Variants in FAT3 observed in about 807,000 individuals in gnomAD.
FAT3 encodes the protein protocadherin Fat 3.
In FAT3, 95 loss-of-function variants were observed where a neutral mutation model predicts 310.2. That is an observed-to-expected ratio of 0.31 (90% CI 0.26 to 0.36). The LOEUF (loss-of-function observed/expected upper bound fraction) is 0.36, where lower values mean the gene tolerates loss of function less well. Ranked by LOEUF, FAT3 falls within the 10% of genes least tolerant of loss-of-function variation. FAT3 has a pLI of 1.00. For missense variants in FAT3, 5,408 were observed against 5,715.6 expected, an observed-to-expected ratio of 0.95 and a Z score of 1.74; for synonymous variants, 2,314 against 2,192.9, an observed-to-expected ratio of 1.06 and a Z score of -1.54.
chr11:92,551,416 G>GTTT (rs10661690), intron 3 of FAT3, among the ~76,000 whole-genome samples: 34 of 63,438 alleles, frequency 5.4e-4, no homozygotes, highest in Admixed American at 9.7e-4. Context: ...TTTTTGTTTT[G>GTTT]TGTGTGTGTG....
In FAT3 at chr11:92,266,631, G is replaced by A. The variant is rs184927680; in HGVS notation, c.-18+41457G>A. On this transcript the variant is annotated intron_variant, in intron 1 of 27. Transcript: ENST00000525166. Reference sequence around the variant, plus strand: ...CTAACAGCCTCAGCCTTCTCAGTCTGGAGTGTCTGTGGCTGAAAAAGCCTT... The same window carrying A: ...CTAACAGCCTCAGCCTTCTCAGTCTAGAGTGTCTGTGGCTGAAAAAGCCTT... Among the ~76,000 whole-genome samples, 17 of 152,268 alleles carry A rather than the reference G, an allele frequency of 1.1e-4. No individual in the cohort carries two copies. The East Asian group carries it at 2.3e-3, about 21-fold the overall frequency.
intron 3 of FAT3, among the ~76,000 whole-genome samples, chr11:92,571,545 C>G (rs1792342): frequency 0.078 from 11,855 of 152,260 alleles, 1,342 homozygotes; most frequent in African/African-American, 0.25. Context: ...CACCTCACTT[C>G]TCTTTGCAGT....
At chr11:92,262,118 A>G (rs549493122) in intron 1 of FAT3, among the ~76,000 whole-genome samples, 1 of 152,160 alleles carries the variant, frequency 6.6e-6, no homozygotes, top group East Asian at 1.9e-4. Flanking sequence ...ACACAGAGGG[A>G]TCTGAAAAGA....
chr11:92,300,402 A>G (rs1946967317), intron 1 of FAT3, among the ~76,000 whole-genome samples: 1 of 152,074 alleles, frequency 6.6e-6, no homozygotes, highest in African/African-American at 2.4e-5. Flanking sequence ...GAGAACTTCA[A>G]AGGCTGGGGC....
chr11:92,777,067 A>G (rs1357580108), intron 7 of FAT3, among the ~76,000 whole-genome samples: 4 of 152,224 alleles, frequency 2.6e-5, no homozygotes, highest in African/African-American at 9.7e-5. Context: ...TTTGGAAACC[A>G]TGAAAGCATG....
intron 2 of FAT3, among the ~76,000 whole-genome samples, chr11:92,453,481 AT>A (rs964249224): frequency 0.02 from 2,968 of 146,272 alleles, 88 homozygotes; most frequent in African/African-American, 0.064. Context: ...CCATTTTCCA[AT>A]TTTTTTTTTT....
chr11:92,880,566 T>C (rs958714941), intron 22 of FAT3, among the ~76,000 whole-genome samples, 165 bp from the exon 23 acceptor site: 7 of 151,978 alleles, frequency 4.6e-5, no homozygotes, highest in African/African-American at 1.7e-4. Flanking sequence ...CTTGGCATTT[T>C]TGTGGCAAGA....
At chr11:92,601,768 C>T (rs1025470771) in intron 3 of FAT3, among the ~76,000 whole-genome samples, 1 of 152,052 alleles carries the variant, frequency 6.6e-6, no homozygotes, top group East Asian at 1.9e-4. Flanking sequence ...TCTACTTCTC[C>T]GTTTGTCCTT....
rs115459352 is a variant in FAT3, at chr11:92,327,706, G to A, written c.-17-24390G>A. 4.5e-3 allele frequency among the ~76,000 whole-genome samples: 685 copies of A among 152,206 alleles called. 9 individuals are homozygous for A. Among genetic ancestry groups the A allele is most frequent in the African/African-American group, 0.016 (648 of 41,528 alleles). ...AACCCTTTCAGTAGCTGAAAGCTCC[G>A]GGTCCCATCCACTGGGTCTGCAAGT... On this transcript the variant is annotated intron_variant, in intron 1 of 27. Coordinates refer to ENST00000525166, the MANE Select transcript of FAT3 (RefSeq NM_001367949.2).
chr11:92,571,174 A>G (rs1035371647), intron 3 of FAT3, among the ~76,000 whole-genome samples: 5 of 152,186 alleles, frequency 3.3e-5, no homozygotes, highest in Admixed American at 3.3e-4. Context: ...TGAAGAATGA[A>G]TTAGGAGGAA....
chr11:92,281,202 C>T (rs897843971), intron 1 of FAT3, among the ~76,000 whole-genome samples: 2 of 151,968 alleles, frequency 1.3e-5, no homozygotes, highest in Non-Finnish European at 2.9e-5. Context: ...TATGTCTTTC[C>T]ATTTGTACAT....
At chr11:92,668,774 T>C (rs982884830) in intron 3 of FAT3, among the ~76,000 whole-genome samples, 1 of 152,252 alleles carries the variant, frequency 6.6e-6, no homozygotes, top group Non-Finnish European at 1.5e-5. Context: ...TTCGATCTCT[T>C]ATATGTAAAA....
rs569152658 is a variant in FAT3, at chr11:92,728,712, C to T, written c.3669+31267C>T. 2.6e-5 allele frequency among the ~76,000 whole-genome samples: 4 copies of T among 152,232 alleles called. No homozygotes were observed. In the South Asian group the frequency reaches 8.3e-4, roughly 32 times the overall value. ...TGAAGGTGTCAGCAGGGCCAGGCAC[C>T]CTCTGGAGGTTCTGGGGAAGAATCC... On this transcript the variant is annotated intron_variant, in intron 4 of 27. Coordinates refer to ENST00000525166, the MANE Select transcript of FAT3 (RefSeq NM_001367949.2).
At chr11:92,637,110 G>T (rs1052659231) in intron 3 of FAT3, among the ~76,000 whole-genome samples, 1 of 152,130 alleles carries the variant, frequency 6.6e-6, no homozygotes, top group Non-Finnish European at 1.5e-5. Flanking sequence ...AGTCAGTCAG[G>T]ATCAAAATGA....
At chr11:92,771,872 G>A (rs145557393) in intron 6 of FAT3, among the ~76,000 whole-genome samples, 16 of 152,080 alleles carry the variant, frequency 1.1e-4, no homozygotes, top group Admixed American at 3.9e-4. Flanking sequence ...CACTAAGCAC[G>A]TGCGATGATT....
Position 92,361,676 on chromosome 11 carries a change from T to A in FAT3, c.3292+6272T>A, listed in dbSNP as rs189949040. Among the ~76,000 whole-genome samples the A allele has an allele frequency of 3.9e-5, 6 of 152,346 alleles. 1 individual carries two copies. The East Asian group carries it at 1.2e-3, about 29-fold the overall frequency. On this transcript the variant is annotated intron_variant, in intron 2 of 27. Transcript: ENST00000525166. ...CCCAGTGTAAGGTTGTAAGGTTTTT[T>A]TTTTTATAGCAACTTAAACTGACTA...
At position 92,494,608 on chromosome 11, in the gene FAT3, G is replaced by A. The variant is rs577733907; in HGVS notation, c.3293-30026G>A. Among the ~76,000 whole-genome samples the A allele has an allele frequency of 2.9e-3, 443 of 151,980 alleles. 1 individual carries two copies. Among genetic ancestry groups the A allele is most frequent in the African/African-American group, 9.9e-3 (409 of 41,478 alleles). On this transcript the variant is annotated intron_variant, in intron 2 of 27. Transcript: ENST00000525166. ...TAATAACTGTAGCATAAGAGTTTCC[G>A]TTATCATACATATTATAGAGATGAG...
At position 92,798,862 on chromosome 11, in the gene FAT3, A is replaced by G. The variant is rs1336220118; in HGVS notation, c.5849A>G (p.His1950Arg). ...AAAAACAACAACCTCTCCAAGGATC[A>G]CTACATGCTGATAGTTAAGGTGTCT... is the stretch of plus-strand genomic sequence containing the variant. Reference protein sequence around the residue: ...TIKNNNLSKDHYMLIVKVSDG... With the variant: ...TIKNNNLSKDRYMLIVKVSDG... The change falls in exon 10 of 28, where the codon CAC (histidine) becomes CGC (arginine). Residue 1950 changes from histidine (H) to arginine (R), a missense_variant. By Grantham distance (29) the His-to-Arg change is conservative (BLOSUM62 0). Coordinates refer to ENST00000525166, the MANE Select transcript of FAT3 (RefSeq NM_001367949.2). 16 of 1,613,864 alleles carry G rather than the reference A, an allele frequency of 9.9e-6. No individual in the cohort carries two copies. The highest frequency in any genetic ancestry group is 1.3e-5 in the Non-Finnish European group (15 of 1,179,884).
chr11:92,794,257 A>G (rs1239692865), intron 9 of FAT3, among the ~76,000 whole-genome samples: 1 of 152,172 alleles, frequency 6.6e-6, no homozygotes, highest in African/African-American at 2.4e-5. Flanking sequence ...AACTTTTCCA[A>G]AAAATGAATA....
Sources: gnomAD v4.1 joint callset for allele counts (sites outside exome capture counted in the v4.1 genomes callset) on GRCh38, gnomAD v4.1.1 for gene constraint, MANE v1.5 for transcripts, NCBI Gene and HGNC (gene_info 2026-07-23, HGNC 2026-07-21) for gene names.